Variants in ZNF638 observed in about 807,000 individuals in gnomAD.
ZNF638 encodes zinc finger protein 638, also known as CTCL tumor antigen se33-1.
In ZNF638, 46 loss-of-function variants were observed where a neutral mutation model predicts 195.6. The observed-to-expected ratio is 0.24, with a 90% CI of 0.19 to 0.30. The LOEUF is 0.30. Ranked by LOEUF, ZNF638 falls within the 10% of genes least tolerant of loss-of-function variation. The pLI is 1.00. For synonymous variants in ZNF638, 845 were observed against 772.0 expected (o/e 1.09, Z -1.57); for missense variants, 2,440 against 2,325.3 (o/e 1.05, Z -1.01).
chr2:71,387,713 T>C (rs1448074043), intron 10 of ZNF638, among the ~76,000 whole-genome samples: 1 of 152,006 alleles, frequency 6.6e-6, no homozygotes, highest in Non-Finnish European at 1.5e-5. Context: ...GGATCAAAGA[T>C]TTACTATGAT....
At chr2:71,347,184 A>T (rs988953253) in intron 1 of ZNF638, among the ~76,000 whole-genome samples, 1 of 152,190 alleles carries the variant, frequency 6.6e-6, no homozygotes, top group African/African-American at 2.4e-5. Context: ...ATTTGGGAAG[A>T]ATAGGAACAA....
chr2:71,339,236 C>G (rs1178776341), intron 1 of ZNF638, among the ~76,000 whole-genome samples: 1 of 151,706 alleles, frequency 6.6e-6, no homozygotes. Context: ...ACTGCAGCCT[C>G]CACCTCCCAG....
intron 6 of ZNF638, 70 bp from the exon 7 acceptor site, chr2:71,368,308 TTATA>T: frequency 7.8e-6 from 11 of 1,410,892 alleles, no homozygotes; most frequent in Non-Finnish European, 8.6e-6. Context: ...GTAGAAGAAA[TTATA>T]TAGGAAATTA....
chr2:71,433,301 TA>T lies in ZNF638; in HGVS notation c.5871+19del. ...ATACTGAGGTAATTTTAAAAATTCT[TA>T]CAAAATCTTGAGGTGTTGTTATTGT... On this transcript the variant is annotated intron_variant, in intron 27 of 27. Transcript: ENST00000264447. The T allele has an allele frequency of 6.4e-7, 1 of 1,550,726 alleles. No homozygotes were observed. Among genetic ancestry groups the T allele is most frequent in the Non-Finnish European group, 8.9e-7 (1 of 1,123,912 alleles).
intron 1 of ZNF638, among the ~76,000 whole-genome samples, chr2:71,332,532 T>G (rs2078591085): frequency 6.6e-6 from 1 of 152,160 alleles, no homozygotes; most frequent in Non-Finnish European, 1.5e-5. Context: ...TGTGGGAGAC[T>G]GAGGACTCAT....
At chr2:71,390,424 G>C (rs2079748799) in intron 10 of ZNF638, among the ~76,000 whole-genome samples, 1 of 152,182 alleles carries the variant, frequency 6.6e-6, no homozygotes, top group Non-Finnish European at 1.5e-5. Flanking sequence ...ATTGGTCCTA[G>C]GATGATCAAG....
At chr2:71,392,953 C>G (rs1380315884) in intron 10 of ZNF638, among the ~76,000 whole-genome samples, 3 of 152,166 alleles carry the variant, frequency 2.0e-5, no homozygotes, top group Non-Finnish European at 4.4e-5. Flanking sequence ...AGAGTCCACA[C>G]GATACATCAT....
intron 8 of ZNF638, among the ~76,000 whole-genome samples, chr2:71,377,716 AGGCAT>A (rs2079458432): frequency 6.6e-6 from 1 of 152,220 alleles, no homozygotes; most frequent in South Asian, 2.1e-4. Flanking sequence ...ATTAGAGGAA[AGGCAT>A]GGTAGATATA....
chr2:71,332,758 A>G (rs953769274), intron 1 of ZNF638: 5 of 152,196 alleles, frequency 3.3e-5, no homozygotes, highest in Admixed American at 2.0e-4. Flanking sequence ...CAGTATTACA[A>G]AATCATGGAT....
At chr2:71,396,787 T>C in intron 11 of ZNF638, among the ~76,000 whole-genome samples, 1 of 151,820 alleles carries the variant, frequency 6.6e-6, no homozygotes, top group African/African-American at 2.4e-5. Context: ...CTACTGAAAA[T>C]ACAAAAAAAC....
Position 71,423,763 on chromosome 2 carries a change from T to G in ZNF638, c.4249T>G (p.Phe1417Val). Residue 1417 changes from phenylalanine to valine, a missense_variant, in exon 22 of 28, where the codon TTT becomes GTT. Phe to Val is a conservative substitution (Grantham distance 50, BLOSUM62 -1). Transcript: ENST00000264447. ...TTCAAAAACTGAAAATCAGAAAAGT[T>G]TTCCAAAATCTGTGCCCAGAGATCA... Reference protein sequence around the residue: ...TVSKTENQKSFPKSVPRDQIN... With the variant: ...TVSKTENQKSVPKSVPRDQIN... 1 of 1,613,958 alleles carries G rather than the reference T, an allele frequency of 6.2e-7. No individual in the cohort carries two copies. Among genetic ancestry groups the G allele is most frequent in the Non-Finnish European group, 8.5e-7 (1 of 1,180,004 alleles).
At chr2:71,409,808 T>C (rs1254431623) in intron 20 of ZNF638, among the ~76,000 whole-genome samples, 1 of 152,178 alleles carries the variant, frequency 6.6e-6, no homozygotes, top group Non-Finnish European at 1.5e-5. Flanking sequence ...GTCGACCAAT[T>C]ATATACACCT....
chr2:71,393,426 C>T (rs2079827425), intron 10 of ZNF638: 1 of 718,672 alleles, frequency 1.4e-6, no homozygotes, highest in Admixed American at 2.0e-5. Flanking sequence ...ATGCATCAGA[C>T]CATACCATGG....
intron 1 of ZNF638, among the ~76,000 whole-genome samples, chr2:71,342,134 T>C (rs2078771435): frequency 6.8e-6 from 1 of 147,518 alleles, no homozygotes; most frequent in Non-Finnish European, 1.5e-5. Context: ...GGCAGGAGAA[T>C]CGCTTGAACC....
chr2:71,352,637 T>C (rs2078962494), intron 2 of ZNF638, among the ~76,000 whole-genome samples: 1 of 151,888 alleles, frequency 6.6e-6, no homozygotes, highest in South Asian at 2.1e-4. Flanking sequence ...CGAAAGGCTT[T>C]GAAGAGCTAG....
At chr2:71,395,574 A>G (rs940595194) in intron 10 of ZNF638, 92 of 580,620 alleles carry the variant, frequency 1.6e-4, no homozygotes, top group South Asian at 5.3e-4. Flanking sequence ...TGATCATCCT[A>G]TTGCGCGCAG....
chr2:71,348,320 C>T (rs1001908056), intron 1 of ZNF638: 3 of 816,334 alleles, frequency 3.7e-6, no homozygotes, highest in Non-Finnish European at 1.5e-6. Context: ...AAAAATGGGT[C>T]TTTTAGGCTT....
intron 3 of ZNF638, among the ~76,000 whole-genome samples, chr2:71,358,359 A>C (rs1347496612): frequency 6.6e-6 from 1 of 152,206 alleles, no homozygotes; most frequent in Non-Finnish European, 1.5e-5. Context: ...ACCATTCAAG[A>C]ATCCATTTTA....
chr2:71,405,763 A>G, intron 18 of ZNF638, 121 bp downstream of exon 18: 1 of 725,872 alleles, frequency 1.4e-6, no homozygotes, highest in South Asian at 2.0e-5. Flanking sequence ...GGTGATGGAG[A>G]TGTCAGATGG....
Sources: allele counts gnomAD v4.1 joint callset (sites outside exome capture counted in the v4.1 genomes callset), GRCh38; gene constraint gnomAD v4.1.1; transcripts MANE v1.5; gene names NCBI Gene and HGNC (gene_info 2026-07-23, HGNC 2026-07-21).